The following PHLDB2 variants were observed in gnomAD, a reference collection of about 807,000 sequenced individuals.
The protein encoded by PHLDB2 is pleckstrin homology like domain family B member 2.
Under a neutral mutation model 123.6 loss-of-function variants are expected in PHLDB2, and 71 were observed. The ratio of observed to expected loss-of-function variants is 0.57; its 90% confidence interval spans 0.47 to 0.70. The LOEUF (loss-of-function observed/expected upper bound fraction) is 0.70. Among genes scored for constraint, PHLDB2 ranks in the 30% least tolerant of loss-of-function variants. The probability of loss-of-function intolerance (pLI) is 0.00; values close to 1 mark genes in which losing one functional copy is unlikely to be tolerated. For missense variants in PHLDB2, 1,446 were observed against 1,519.5 expected (o/e 0.95, Z 0.80); for synonymous variants, 547 against 541.6 (o/e 1.01, Z -0.14).
At chr3:111,899,062 A>G (rs1021758027) in intron 2 of PHLDB2, among the ~76,000 whole-genome samples, 3 of 152,228 alleles carry the variant, frequency 2.0e-5, no homozygotes, top group Non-Finnish European at 4.4e-5. Flanking sequence ...GCTCAGCTCT[A>G]TCAGCAGAAT....
chr3:111,917,024 C>G (rs2068221996), intron 3 of PHLDB2: 1 of 152,140 alleles, frequency 6.6e-6, no homozygotes, highest in South Asian at 2.1e-4. Flanking sequence ...CTTAAAGCTA[C>G]TCAGTGGCTA....
At chr3:111,872,078 G>T (rs1193251205) in intron 1 of PHLDB2, among the ~76,000 whole-genome samples, 1 of 152,160 alleles carries the variant, frequency 6.6e-6, no homozygotes, top group East Asian at 1.9e-4. Context: ...GAAAGTAAAT[G>T]CAAACATTTC....
chr3:111,908,163 A>G (rs1172743357), intron 2 of PHLDB2, among the ~76,000 whole-genome samples: 2 of 152,178 alleles, frequency 1.3e-5, no homozygotes, highest in Non-Finnish European at 2.9e-5. Context: ...AGATTATCAC[A>G]TGTGGCCCAC....
intron 1 of PHLDB2, among the ~76,000 whole-genome samples, chr3:111,844,649 G>A (rs1310797737): frequency 6.6e-6 from 1 of 152,118 alleles, no homozygotes; most frequent in African/African-American, 2.4e-5. Context: ...CACCATTAAG[G>A]TTCATTCTCC....
At chr3:111,921,066 A>G (rs747267652) in intron 5 of PHLDB2, among the ~76,000 whole-genome samples, 23 of 152,218 alleles carry the variant, frequency 1.5e-4, no homozygotes, top group Admixed American at 6.5e-4. Context: ...TTGGATCACA[A>G]CCTGAATGGT....
At chr3:111,749,549 T>C (rs2059735813) in intron 1 of PHLDB2, among the ~76,000 whole-genome samples, 1 of 152,194 alleles carries the variant, frequency 6.6e-6, no homozygotes, top group African/African-American at 2.4e-5. Context: ...TGGAGGGTAG[T>C]GGTGTTAAAT....
chr3:111,858,297 C>T (rs1576908722), upstream of PHLDB2, among the ~76,000 whole-genome samples: 1 of 151,632 alleles, frequency 6.6e-6, no homozygotes, highest in Non-Finnish European at 1.5e-5. Flanking sequence ...ACCCTGAGGC[C>T]TGTTGGGGGG....
intron 1 of PHLDB2, among the ~76,000 whole-genome samples, chr3:111,790,066 C>T (rs2060851299): frequency 6.6e-6 from 1 of 152,176 alleles, no homozygotes. Flanking sequence ...TCAAATTGCC[C>T]TTGGATCTTA....
chr3:111,886,195 C>G (rs562112381), intron 2 of PHLDB2, among the ~76,000 whole-genome samples: 1 of 152,100 alleles, frequency 6.6e-6, no homozygotes. Context: ...TCATGATTTC[C>G]TTAACAAGAG....
In PHLDB2 at chr3:111,732,700, C is replaced by G. The variant is rs556976424; in HGVS notation, c.-52C>G. ...AGAGTCGGGATTGAAAAGCAGCAGA[C>G]AAGGTAGGTGATCTCTCTGGTCACT... On this transcript the variant is annotated 5_prime_UTR_variant, in exon 1 of 18. Transcript: ENST00000393923. The G allele has an allele frequency of 2.0e-6, 3 of 1,534,702 alleles. No individual in the cohort carries two copies. The South Asian group carries it at 3.6e-5, about 18-fold the overall frequency.
chr3:111,822,996 T>C (rs1267870299), intron 1 of PHLDB2, among the ~76,000 whole-genome samples: 1 of 152,270 alleles, frequency 6.6e-6, no homozygotes, highest in Admixed American at 6.5e-5. Flanking sequence ...CAACATGCTT[T>C]CCTGGAAGGA....
chr3:111,842,794 A>C (rs1188127846), intron 1 of PHLDB2, among the ~76,000 whole-genome samples: 1 of 152,184 alleles, frequency 6.6e-6, no homozygotes, highest in Non-Finnish European at 1.5e-5. Context: ...AGGCAACCAC[A>C]AATCTATTTT....
At chr3:111,813,982 T>C (rs573166197) in intron 1 of PHLDB2, among the ~76,000 whole-genome samples, 1 of 152,334 alleles carries the variant, frequency 6.6e-6, no homozygotes, top group South Asian at 2.1e-4. Flanking sequence ...CAATATTTGC[T>C]AAGAGGGAGA....
rs1317834709 is a variant in PHLDB2 at position 111,913,664 on chromosome 3, G to T, written c.1681G>T (p.Ala561Ser). Reference sequence around the variant, plus strand: ...ACCACCATCCTCCACCTTTCCGAAAGCTTCCAGCGAGTCCTCTTATCTAAG... The same window carrying T: ...ACCACCATCCTCCACCTTTCCGAAATCTTCCAGCGAGTCCTCTTATCTAAG... ...PPPPSSTFPK[A>S]SSESSYLSIL... Residue 561 changes from alanine (A) to serine (S), a missense_variant, in exon 3 of 18, where the codon GCT becomes TCT. Ala to Ser is a moderately conservative substitution (Grantham distance 99). Around this residue, in one of 3 missense-constraint regions of PHLDB2, gnomAD observed 832 missense variants for 831.9 expected, o/e 1.00. Transcript: ENST00000431670. 1.2e-6 allele frequency: 2 copies of T among 1,613,724 alleles called. No homozygotes were observed. Among genetic ancestry groups the T allele is most frequent in the South Asian group, 1.1e-5 (1 of 91,018 alleles).
At chr3:111,891,633 C>A (rs1019861017) in intron 2 of PHLDB2, among the ~76,000 whole-genome samples, 5 of 151,910 alleles carry the variant, frequency 3.3e-5, no homozygotes, top group African/African-American at 1.2e-4. Context: ...CTTGAATCAC[C>A]CCGAAACCAT....
At chr3:111,779,825 G>T (rs1435792043) in intron 1 of PHLDB2, 1 of 980,560 alleles carries the variant, frequency 1.0e-6, no homozygotes, top group Non-Finnish European at 1.2e-6. Context: ...TTTTGCCTTT[G>T]CTACACAGGT....
At chr3:111,935,023 T>G (rs373177390) in intron 6 of PHLDB2, among the ~76,000 whole-genome samples, 12 of 151,832 alleles carry the variant, frequency 7.9e-5, no homozygotes, top group African/African-American at 2.9e-4. Flanking sequence ...AAGAAAACTG[T>G]CCCAGCCAGG....
chr3:111,837,981 G>A (rs1378778454), intron 1 of PHLDB2, among the ~76,000 whole-genome samples: 20 of 152,112 alleles, frequency 1.3e-4, no homozygotes, highest in Admixed American at 6.6e-5. Context: ...GGTGGAGGTT[G>A]CAGTAAGCTG....
Position 111,884,718 on chromosome 3 carries a change from A to G in PHLDB2, c.641A>G (p.Gln214Arg), listed in dbSNP as rs546027943. 3.1e-6 allele frequency: 5 copies of G among 1,614,148 alleles called. No homozygotes were observed. Among genetic ancestry groups the G allele is most frequent in the South Asian group, 2.2e-5 (2 of 91,082 alleles). The change falls in exon 2 of 18, where the codon CAG becomes CGG. Residue 214 changes from glutamine (Q) to arginine (R), a missense_variant. Gln to Arg is a conservative substitution (Grantham distance 43, BLOSUM62 1). Coordinates refer to ENST00000431670, the MANE Select transcript of PHLDB2 (RefSeq NM_001134438.2). ...SPKQARKMSIQDSLALQPKLT... is the reference protein window; with the variant it reads ...SPKQARKMSIRDSLALQPKLT... ...AAGCAAGCCAGGAAAATGAGCATTCAGGACAGCCTGGCGCTTCAACCCAAG... is the reference window on the plus strand; with the variant it reads ...AAGCAAGCCAGGAAAATGAGCATTCGGGACAGCCTGGCGCTTCAACCCAAG...
Sources: gnomAD v4.1 joint callset for allele counts (sites outside exome capture counted in the v4.1 genomes callset) on GRCh38, gnomAD v4.1.1 for gene constraint, gnomAD v4.1.1 regional missense constraint, MANE v1.5 for transcripts, NCBI Gene and HGNC (gene_info 2026-07-23, HGNC 2026-07-21) for gene names.